CSMD1: variants seen among roughly 807,000 people sequenced by gnomAD.
CSMD1 encodes the protein CUB and Sushi multiple domains 1.
Under a neutral mutation model 417.5 loss-of-function variants are expected in CSMD1, and 213 were observed. The observed-to-expected ratio is 0.51, with a 90% CI of 0.46 to 0.57. The LOEUF (loss-of-function observed/expected upper bound fraction) is 0.57, where lower values mean the gene tolerates loss of function less well. Among genes scored for constraint, CSMD1 ranks in the 20% least tolerant of loss-of-function variants. CSMD1 has a pLI of 0.00. For missense variants in CSMD1, 6,923 were observed against 4,529.7 expected (o/e 1.53, Z -15.17); for synonymous variants, 2,862 against 1,736.8 (o/e 1.65, Z -16.11).
At chr8:3,306,478 G>T (rs745482813) in intron 25 of CSMD1, among the ~76,000 whole-genome samples, 11 of 152,158 alleles carry the variant, frequency 7.2e-5, no homozygotes, top group Non-Finnish European at 1.6e-4. Context: ...ACTTTGACCT[G>T]TAACTTTTTT....
chr8:4,214,410 G>A (rs192384936), intron 3 of CSMD1, among the ~76,000 whole-genome samples: 21 of 152,264 alleles, frequency 1.4e-4, no homozygotes, highest in African/African-American at 5.1e-4. Context: ...CGATTCAAAT[G>A]CCTCAGGCTT....
chr8:4,761,018 G>A (rs1361132542), intron 1 of CSMD1, among the ~76,000 whole-genome samples: 5 of 152,016 alleles, frequency 3.3e-5, no homozygotes, highest in African/African-American at 1.2e-4. Flanking sequence ...TAGCAGTTTG[G>A]TGTCAGAATA....
intron 5 of CSMD1, among the ~76,000 whole-genome samples, chr8:3,965,202 C>G (rs761551388): frequency 2.0e-5 from 3 of 152,062 alleles, no homozygotes; most frequent in Non-Finnish European, 4.4e-5. Flanking sequence ...GAGACAAGGG[C>G]GGAAGGAGGG....
At chr8:4,376,999 C>G (rs937874573) in intron 3 of CSMD1, among the ~76,000 whole-genome samples, 1 of 152,112 alleles carries the variant, frequency 6.6e-6, no homozygotes, top group African/African-American at 2.4e-5. Context: ...AGCTGTGCCC[C>G]GGGACACAGG....
intron 2 of CSMD1, among the ~76,000 whole-genome samples, chr8:4,603,776 T>C (rs368482557): frequency 3.3e-5 from 5 of 152,230 alleles, no homozygotes; most frequent in East Asian, 3.9e-4. Flanking sequence ...ACCGGAGAAG[T>C]TGGAATGAAA....
chr8:3,410,376 T>G (rs146409142), intron 12 of CSMD1, among the ~76,000 whole-genome samples: 16 of 152,340 alleles, frequency 1.1e-4, no homozygotes, highest in African/African-American at 3.8e-4. Flanking sequence ...GATTTGGCTG[T>G]GTCCCCACCT....
intron 1 of CSMD1, among the ~76,000 whole-genome samples, chr8:4,953,802 G>A (rs533948798): frequency 1.3e-5 from 2 of 152,240 alleles, no homozygotes; most frequent in African/African-American, 4.8e-5. Context: ...CCCAAAATGT[G>A]GTTTGTGAAC....
intron 3 of CSMD1, among the ~76,000 whole-genome samples, chr8:4,219,441 T>G (rs766746903): frequency 6.6e-6 from 1 of 152,192 alleles, no homozygotes; most frequent in South Asian, 2.1e-4. Flanking sequence ...CTGATCATAA[T>G]TCATACCCGA....
intron 44 of CSMD1, among the ~76,000 whole-genome samples, chr8:3,108,205 G>A (rs1355485932): frequency 1.3e-5 from 2 of 152,174 alleles, no homozygotes; most frequent in Non-Finnish European, 2.9e-5. Flanking sequence ...TTGATTGACA[G>A]ATGTTCTACA....
intron 3 of CSMD1, among the ~76,000 whole-genome samples, chr8:4,259,092 A>C (rs912428707): frequency 6.6e-6 from 1 of 152,154 alleles, no homozygotes; most frequent in African/African-American, 2.4e-5. Context: ...TTGATGTAGC[A>C]TTTACCTCTG....
rs1370084852 is a variant in CSMD1, at chr8:4,301,647, G to A, written c.415+118306C>T. Among the ~76,000 whole-genome samples, 10 of 152,190 alleles carry A rather than the reference G, an allele frequency of 6.6e-5. No individual in the cohort carries two copies. The East Asian group carries it at 1.9e-3, about 29-fold the overall frequency. On this transcript the variant is annotated intron_variant, in intron 3 of 69. Transcript: ENST00000635120. ...TCTGTGGCACTGGCTGTTTTCTGCTGTTAACTTTCAGGCCTCTTCAATTAG... is the reference window on the plus strand; with the variant it reads ...TCTGTGGCACTGGCTGTTTTCTGCTATTAACTTTCAGGCCTCTTCAATTAG...
At chr8:3,894,732 C>G (rs1267017306) in intron 5 of CSMD1, among the ~76,000 whole-genome samples, 1 of 152,136 alleles carries the variant, frequency 6.6e-6, no homozygotes, top group African/African-American at 2.4e-5. Flanking sequence ...TCTTGATTAA[C>G]TAGAATTACT....
chr8:2,986,657 A>C (rs894715470), intron 54 of CSMD1, among the ~76,000 whole-genome samples: 1 of 152,056 alleles, frequency 6.6e-6, no homozygotes, highest in African/African-American at 2.4e-5. Context: ...GGTGCCCACC[A>C]CCACGCCCAG....
intron 4 of CSMD1, among the ~76,000 whole-genome samples, chr8:4,011,041 A>T (rs974742719): frequency 6.6e-6 from 1 of 152,224 alleles, no homozygotes; most frequent in Non-Finnish European, 1.5e-5. Flanking sequence ...AGCTGCCAGC[A>T]TCTCTTGCCA....
chr8:4,831,807 T>C (rs981754971), intron 1 of CSMD1, among the ~76,000 whole-genome samples: 2 of 152,092 alleles, frequency 1.3e-5, no homozygotes, highest in African/African-American at 4.8e-5. Flanking sequence ...GGGACCAGCA[T>C]CTCCCACCCC....
intron 18 of CSMD1, among the ~76,000 whole-genome samples, chr8:3,387,135 G>A (rs1245745705): frequency 3.3e-5 from 5 of 152,306 alleles, no homozygotes; most frequent in Middle Eastern, 3.4e-3. Context: ...GTGAGACACT[G>A]GGACGTATGT....
Position 4,626,114 on chromosome 8 carries a change from G to C in CSMD1, c.302+11228C>G, listed in dbSNP as rs567068459. On this transcript the variant is annotated intron_variant, in intron 2 of 69. Coordinates refer to ENST00000635120, the MANE Select transcript of CSMD1 (RefSeq NM_033225.6). ...AACTGCCATGAAAGATTCATGTATA[G>C]ACCATGAGAAACAGAGACACTATCT... Among the ~76,000 whole-genome samples the C allele has an allele frequency of 3.9e-5, 6 of 152,250 alleles. No homozygotes were observed. In the East Asian group the frequency reaches 7.7e-4, roughly 20 times the overall value.
chr8:4,435,708 TG>T (rs1370788831), intron 2 of CSMD1, among the ~76,000 whole-genome samples: 1 of 152,138 alleles, frequency 6.6e-6, no homozygotes, highest in Non-Finnish European at 1.5e-5. Flanking sequence ...TGCCTCTGTG[TG>T]GGGCTGTGGC....
chr8:4,875,211 T>C (rs1423684768), intron 1 of CSMD1, among the ~76,000 whole-genome samples: 1 of 152,012 alleles, frequency 6.6e-6, no homozygotes, highest in African/African-American at 2.4e-5. Context: ...CTTTAAAAGC[T>C]GAGAAGGAAA....
Sources: gnomAD v4.1 joint callset for allele counts (sites outside exome capture counted in the v4.1 genomes callset) on GRCh38, gnomAD v4.1.1 for gene constraint, MANE v1.5 for transcripts, NCBI Gene and HGNC (gene_info 2026-07-23, HGNC 2026-07-21) for gene names.